RAB3C: variants seen among roughly 807,000 people sequenced by gnomAD.
RAB3C encodes ras-related protein Rab-3C.
RAB3C carries 17 observed loss-of-function variants against 26.4 expected under a neutral mutation model. That is an observed-to-expected ratio of 0.64 (90% confidence interval 0.44 to 0.97). The LOEUF (loss-of-function observed/expected upper bound fraction) is 0.97. Ranked by LOEUF, RAB3C falls within the 50% of genes least tolerant of loss-of-function variation. The pLI, the probability that RAB3C is intolerant of heterozygous loss-of-function variation, is 0.00. For missense variants in RAB3C, 242 were observed against 281.9 expected, an observed-to-expected ratio of 0.86 and a Z score of 1.01; for synonymous variants, 91 against 95.9, an observed-to-expected ratio of 0.95 and a Z score of 0.30.
intron 3 of RAB3C, among the ~76,000 whole-genome samples, chr5:58,764,760 C>T (rs1301512746): frequency 1.3e-5 from 2 of 152,120 alleles, no homozygotes; most frequent in East Asian, 1.9e-4. Flanking sequence ...GCTATTTTTG[C>T]TTCCACACCT....
chr5:58,695,105 A>G (rs938267752), intron 2 of RAB3C, among the ~76,000 whole-genome samples: 5 of 152,126 alleles, frequency 3.3e-5, no homozygotes, highest in African/African-American at 9.7e-5. Context: ...ACTAATTTTT[A>G]TATGAGGTGT....
rs1044477652 is a variant in RAB3C at position 58,756,757 on chromosome 5, T to C, written c.371+30637T>C. Among the ~76,000 whole-genome samples the C allele has an allele frequency of 9.6e-5, 14 of 145,548 alleles. 2 individuals carry two copies. Among genetic ancestry groups the C allele is most frequent in the African/African-American group, 3.3e-4 (13 of 39,136 alleles). On this transcript the variant is annotated intron_variant, in intron 3 of 4. Transcript: ENST00000282878. The stretch of plus-strand genomic sequence containing the variant: ...ATGGCTTCCAGCTTCTCCATGTTCC[T>C]GCAAAGGACATGATCTCATTCCTTT...
intron 1 of RAB3C, among the ~76,000 whole-genome samples, chr5:58,588,951 G>A (rs185321324): frequency 1.1e-4 from 17 of 152,194 alleles, no homozygotes; most frequent in South Asian, 4.1e-4. Context: ...TTGAATAGAC[G>A]TGATGACAGC....
chr5:58,616,349 A>G (rs1257793123), intron 1 of RAB3C, among the ~76,000 whole-genome samples: 2 of 152,216 alleles, frequency 1.3e-5, no homozygotes, highest in Non-Finnish European at 2.9e-5. Flanking sequence ...TTAAATCACC[A>G]TATGTGACTA....
At chr5:58,788,630 T>G (rs1302522049) in intron 3 of RAB3C, among the ~76,000 whole-genome samples, 1 of 152,188 alleles carries the variant, frequency 6.6e-6, no homozygotes, top group Non-Finnish European at 1.5e-5. Flanking sequence ...AAATATGCAT[T>G]TCAAATGCAC....
chr5:58,660,186 C>A (rs771817577), intron 2 of RAB3C, among the ~76,000 whole-genome samples: 2 of 149,860 alleles, frequency 1.3e-5, no homozygotes, highest in Non-Finnish European at 2.9e-5. Flanking sequence ...AATTTAATAC[C>A]CCCTTCCTAT....
chr5:58,621,394 C>A (rs1746934520), intron 2 of RAB3C, among the ~76,000 whole-genome samples: 1 of 152,178 alleles, frequency 6.6e-6, no homozygotes, highest in African/African-American at 2.4e-5. Flanking sequence ...AGTACCAGAG[C>A]AGAGCCTAAA....
chr5:58,846,586 C>A (rs1266800360), intron 4 of RAB3C, among the ~76,000 whole-genome samples: 3 of 152,004 alleles, frequency 2.0e-5, no homozygotes, highest in Non-Finnish European at 4.4e-5. Flanking sequence ...ACTATGTAGG[C>A]CAGGTTGGTC....
At chr5:58,816,216 G>A (rs1247634017) in intron 3 of RAB3C, among the ~76,000 whole-genome samples, 1 of 152,144 alleles carries the variant, frequency 6.6e-6, no homozygotes, top group Non-Finnish European at 1.5e-5. Flanking sequence ...GTTTATGTGG[G>A]AAGTGAAAGA....
intron 2 of RAB3C, among the ~76,000 whole-genome samples, chr5:58,696,677 C>A (rs185703491): frequency 6.6e-6 from 1 of 152,264 alleles, no homozygotes; most frequent in African/African-American, 2.4e-5. Flanking sequence ...GGAATTTATC[C>A]ATTTCTTCTA....
intron 3 of RAB3C, among the ~76,000 whole-genome samples, chr5:58,733,826 G>T (rs1579886960): frequency 6.6e-6 from 1 of 152,270 alleles, no homozygotes; most frequent in East Asian, 1.9e-4. Context: ...GTGGCTCAGG[G>T]TCTGCACCTA....
chr5:58,833,324 T>TCACACACA (rs571940681), intron 4 of RAB3C, among the ~76,000 whole-genome samples: 3,169 of 141,024 alleles, frequency 0.022, 44 homozygotes, highest in East Asian at 0.032. Flanking sequence ...ACGGACCCCA[T>TCACACACA]CACACACACA....
chr5:58,785,373 G>C (rs139277506), intron 3 of RAB3C, among the ~76,000 whole-genome samples: 2 of 152,212 alleles, frequency 1.3e-5, no homozygotes, highest in African/African-American at 4.8e-5. Context: ...CCTGCACTAA[G>C]TGATTTTGCT....
intron 3 of RAB3C, among the ~76,000 whole-genome samples, chr5:58,764,766 C>T (rs1404735453): frequency 1.3e-5 from 2 of 152,154 alleles, no homozygotes; most frequent in Non-Finnish European, 2.9e-5. Flanking sequence ...TTTGCTTCCA[C>T]ACCTGAGGCG....
chr5:58,840,751 C>T (rs1375270772), intron 4 of RAB3C, among the ~76,000 whole-genome samples: 2 of 152,024 alleles, frequency 1.3e-5, no homozygotes, highest in Admixed American at 6.6e-5. Context: ...TCTCAGTGGT[C>T]TAGGCTGAGA....
intron 2 of RAB3C, among the ~76,000 whole-genome samples, chr5:58,658,114 A>G (rs551675044): frequency 6.6e-6 from 1 of 152,326 alleles, no homozygotes; most frequent in East Asian, 1.9e-4. Context: ...ATACGTGTCT[A>G]TTATGTTGCA....
chr5:58,607,616 T>C (rs1170801738), intron 1 of RAB3C, among the ~76,000 whole-genome samples: 1 of 152,112 alleles, frequency 6.6e-6, no homozygotes, highest in African/African-American at 2.4e-5. Context: ...AATTGTCAGA[T>C]TCACCAAGGT....
chr5:58,799,818 A>C (rs1742764052), intron 3 of RAB3C, among the ~76,000 whole-genome samples: 2 of 152,198 alleles, frequency 1.3e-5, no homozygotes, highest in African/African-American at 4.8e-5. Flanking sequence ...CACAAAACCT[A>C]GGAGATAAGA....
chr5:58,595,850 A>C (rs752874909), intron 1 of RAB3C, among the ~76,000 whole-genome samples: 3 of 152,158 alleles, frequency 2.0e-5, no homozygotes, highest in Admixed American at 6.5e-5. Flanking sequence ...TCATATCCAC[A>C]AGAAAAGTTT....
Sources: allele counts gnomAD v4.1 joint callset (sites outside exome capture counted in the v4.1 genomes callset), GRCh38; gene constraint gnomAD v4.1.1; transcripts MANE v1.5; gene names NCBI Gene and HGNC (gene_info 2026-07-23, HGNC 2026-07-21).